The following ARHGAP15 variants were observed in gnomAD, a reference collection of about 807,000 sequenced individuals.
ARHGAP15 encodes rho GTPase-activating protein 15.
ARHGAP15 carries 51 observed loss-of-function variants against 63.7 expected under a neutral mutation model. The observed-to-expected ratio is 0.80, with a 90% CI of 0.64 to 1.01. ARHGAP15 has a LOEUF of 1.01. ARHGAP15 is among the 50% of genes least tolerant of loss of function. ARHGAP15 has a pLI of 0.00. For synonymous variants in ARHGAP15, 191 were observed against 193.8 expected, an observed-to-expected ratio of 0.99 and a Z score of 0.12; for missense variants, 560 against 564.6, an observed-to-expected ratio of 0.99 and a Z score of 0.08.
rs1690156708 is a variant in ARHGAP15 at position 143,446,709 on chromosome 2, T to A, written c.703+9667T>A. On this transcript the variant is annotated intron_variant, in intron 8 of 13. Transcript: ENST00000295095. The stretch of plus-strand genomic sequence containing the variant: ...TAGTTACATATGTATACATGTGCCA[T>A]GCTGGTGCGCTGCACCCCTTAACTC... Among the ~76,000 whole-genome samples the A allele has an allele frequency of 2.0e-5, 3 of 151,924 alleles. No individual in the cohort carries two copies. The South Asian group carries it at 6.2e-4, about 32-fold the overall frequency.
At chr2:143,201,874 A>G (rs951588627) in intron 2 of ARHGAP15, among the ~76,000 whole-genome samples, 1 of 152,160 alleles carries the variant, frequency 6.6e-6, no homozygotes, top group African/African-American at 2.4e-5. Context: ...ACATGAGAGA[A>G]CACAGACTTC....
intron 13 of ARHGAP15, among the ~76,000 whole-genome samples, chr2:143,709,259 G>C (rs1384076519): frequency 6.6e-6 from 1 of 152,064 alleles, no homozygotes; most frequent in African/African-American, 2.4e-5. Context: ...TTGTGAGGGG[G>C]GTGTAAGGAC....
chr2:143,369,255 A>C (rs890356493), intron 6 of ARHGAP15, among the ~76,000 whole-genome samples: 1 of 152,170 alleles, frequency 6.6e-6, no homozygotes, highest in South Asian at 2.1e-4. Flanking sequence ...ATGCTCTTCA[A>C]ATAGTATTCA....
At chr2:143,323,590 T>C (rs1009862089) in intron 6 of ARHGAP15, among the ~76,000 whole-genome samples, 5 of 152,158 alleles carry the variant, frequency 3.3e-5, no homozygotes, top group African/African-American at 7.2e-5. Flanking sequence ...TGTTTTATTA[T>C]ATTTTCTAAT....
At chr2:143,680,134 C>T (rs1683035751) in intron 12 of ARHGAP15, among the ~76,000 whole-genome samples, 2 of 150,292 alleles carry the variant, frequency 1.3e-5, no homozygotes, top group South Asian at 4.2e-4. Flanking sequence ...TTTATAATTC[C>T]AAGACTTTCC....
At chr2:143,655,020 C>T (rs1681362326) in intron 12 of ARHGAP15, among the ~76,000 whole-genome samples, 1 of 152,044 alleles carries the variant, frequency 6.6e-6, no homozygotes, top group Non-Finnish European at 1.5e-5. Flanking sequence ...CTCCTTGAGC[C>T]CAGGAGTTTG....
intron 6 of ARHGAP15, among the ~76,000 whole-genome samples, chr2:143,298,464 G>A (rs1430578488): frequency 2.0e-5 from 3 of 151,876 alleles, no homozygotes; most frequent in Non-Finnish European, 2.9e-5. Context: ...TGACAGCTTC[G>A]CTAAGCCTCA....
chr2:143,339,603 A>C (rs1684964504), intron 6 of ARHGAP15, among the ~76,000 whole-genome samples: 1 of 152,152 alleles, frequency 6.6e-6, no homozygotes, highest in African/African-American at 2.4e-5. Context: ...GGCCACCAAA[A>C]GAAGTCAGTT....
chr2:143,142,089 T>C (rs1174446275), intron 1 of ARHGAP15, among the ~76,000 whole-genome samples: 1 of 152,144 alleles, frequency 6.6e-6, no homozygotes, highest in Non-Finnish European at 1.5e-5. Flanking sequence ...CTTTTCTGTT[T>C]TTTTTTAAAA....
chr2:143,758,112 T>TG (rs1686641431), intron 13 of ARHGAP15, among the ~76,000 whole-genome samples: 1 of 152,002 alleles, frequency 6.6e-6, no homozygotes, highest in African/African-American at 2.4e-5. Flanking sequence ...TTCCATACTA[T>TG]GAAATATAAC....
chr2:143,623,309 T>C (rs931621521), intron 11 of ARHGAP15, among the ~76,000 whole-genome samples: 5 of 152,238 alleles, frequency 3.3e-5, no homozygotes, highest in African/African-American at 9.6e-5. Context: ...ACTTTATTTC[T>C]ATTAAAACCT....
At chr2:143,207,913 C>G (rs911925181) in intron 3 of ARHGAP15, among the ~76,000 whole-genome samples, 1 of 151,914 alleles carries the variant, frequency 6.6e-6, no homozygotes, top group Non-Finnish European at 1.5e-5. Flanking sequence ...TTCTTTTTAC[C>G]AGGACTCACA....
intron 2 of ARHGAP15, among the ~76,000 whole-genome samples, chr2:143,191,336 G>T (rs1691678389): frequency 6.6e-6 from 1 of 152,088 alleles, no homozygotes. Context: ...CAACTGACTT[G>T]GTTCGTATTT....
chr2:143,276,107 A>G (rs920523636), intron 6 of ARHGAP15, among the ~76,000 whole-genome samples: 4 of 152,224 alleles, frequency 2.6e-5, no homozygotes, highest in African/African-American at 9.6e-5. Flanking sequence ...ACAACCTTAA[A>G]GAGACTGGTG....
intron 13 of ARHGAP15, among the ~76,000 whole-genome samples, chr2:143,708,816 T>C (rs982726486): frequency 3.3e-5 from 5 of 152,130 alleles, no homozygotes; most frequent in African/African-American, 1.2e-4. Context: ...CTCAGAGTGA[T>C]TTTCATGATC....
chr2:143,544,143 A>G (rs1002910742), intron 10 of ARHGAP15, among the ~76,000 whole-genome samples: 1 of 152,126 alleles, frequency 6.6e-6, no homozygotes, highest in Non-Finnish European at 1.5e-5. Context: ...CAGATACCTT[A>G]TATTTCTGTC....
intron 6 of ARHGAP15, among the ~76,000 whole-genome samples, chr2:143,327,100 A>G (rs1251510704): frequency 1.3e-5 from 2 of 152,220 alleles, no homozygotes; most frequent in African/African-American, 4.8e-5. Flanking sequence ...CAAAGATCAC[A>G]AGCATTCTCA....
intron 13 of ARHGAP15, chr2:143,706,721 G>A (rs1684344984): frequency 1.3e-5 from 2 of 152,246 alleles, no homozygotes; most frequent in South Asian, 4.1e-4. Flanking sequence ...CAAACTCAGG[G>A]TCAAGTTCTA....
intron 5 of ARHGAP15, among the ~76,000 whole-genome samples, chr2:143,231,069 CTTT>C (rs914904536): frequency 6.4e-5 from 8 of 125,428 alleles, no homozygotes; most frequent in Admixed American, 2.5e-4. Context: ...GATGTAATTC[CTTT>C]TTTTTTTTTT....
Sources: gnomAD v4.1 joint callset for allele counts (sites outside exome capture counted in the v4.1 genomes callset) on GRCh38, gnomAD v4.1.1 for gene constraint, MANE v1.5 for transcripts, NCBI Gene and HGNC (gene_info 2026-07-23, HGNC 2026-07-21) for gene names.